Variants in SGCZ observed in about 807,000 individuals in gnomAD.
The protein encoded by SGCZ is zeta-sarcoglycan.
A neutral mutation model predicts 41.3 loss-of-function variants in SGCZ; 40 were observed. The ratio of observed to expected loss-of-function variants is 0.97; its 90% CI spans 0.75 to 1.26. SGCZ has a LOEUF of 1.26. Among genes scored for constraint, SGCZ ranks in the 50% most tolerant of loss-of-function variants. SGCZ has a pLI of 0.00. For synonymous variants in SGCZ, 206 were observed against 137.5 expected (o/e 1.50, Z -3.49); for missense variants, 552 against 369.8 (o/e 1.49, Z -4.04).
At chr8:14,926,846 G>A (rs776638100) in intron 1 of SGCZ, among the ~76,000 whole-genome samples, 1 of 151,902 alleles carries the variant, frequency 6.6e-6, no homozygotes, top group East Asian at 1.9e-4. Flanking sequence ...TCACCATGTT[G>A]TCCAGGAAGG....
intron 1 of SGCZ, among the ~76,000 whole-genome samples, chr8:14,970,486 A>G (rs997342661): frequency 6.6e-6 from 1 of 152,140 alleles, no homozygotes; most frequent in Non-Finnish European, 1.5e-5. Context: ...TACATGCTGA[A>G]TTATTTTTAT....
At chr8:14,895,050 G>C (rs1805143328) in intron 1 of SGCZ, among the ~76,000 whole-genome samples, 8 of 152,128 alleles carry the variant, frequency 5.3e-5, no homozygotes, top group Admixed American at 4.6e-4. Context: ...AGTTGTATTA[G>C]GAATAACATG....
At chr8:14,714,249 G>A (rs1328021767) in intron 1 of SGCZ, among the ~76,000 whole-genome samples, 1 of 152,092 alleles carries the variant, frequency 6.6e-6, no homozygotes, top group Non-Finnish European at 1.5e-5. Flanking sequence ...TTACAGGCAT[G>A]AGCCACCGTG....
intron 2 of SGCZ, among the ~76,000 whole-genome samples, chr8:14,454,337 A>G (rs914119381): frequency 1.3e-5 from 2 of 152,176 alleles, no homozygotes; most frequent in African/African-American, 4.8e-5. Flanking sequence ...AACACGGGAA[A>G]CATGCTACCT....
chr8:14,451,690 A>G (rs1198366156), intron 2 of SGCZ, among the ~76,000 whole-genome samples: 1 of 152,222 alleles, frequency 6.6e-6, no homozygotes, highest in African/African-American at 2.4e-5. Flanking sequence ...AAAGGTCTTA[A>G]TACACATTGC....
chr8:15,072,163 A>G (rs760528390), intron 1 of SGCZ, among the ~76,000 whole-genome samples: 1 of 152,104 alleles, frequency 6.6e-6, no homozygotes, highest in African/African-American at 2.4e-5. Flanking sequence ...CAACCTCTCA[A>G]TGCTGCACAT....
At chr8:14,775,471 G>C (rs999157431) in intron 1 of SGCZ, among the ~76,000 whole-genome samples, 18 of 151,584 alleles carry the variant, frequency 1.2e-4, no homozygotes, top group South Asian at 6.2e-4. Context: ...GTGTGTGTGT[G>C]TGTGTGTGTG....
chr8:14,645,180 G>C (rs1478689944), intron 1 of SGCZ, among the ~76,000 whole-genome samples: 1 of 151,440 alleles, frequency 6.6e-6, no homozygotes, highest in African/African-American at 2.4e-5. Flanking sequence ...ATGAGGAATG[G>C]ATCTCTGAAT....
At chr8:15,201,438 G>A (rs1292143205) in intron 1 of SGCZ, among the ~76,000 whole-genome samples, 1 of 152,214 alleles carries the variant, frequency 6.6e-6, no homozygotes, top group East Asian at 1.9e-4. Flanking sequence ...CAGCAAGGTA[G>A]AGCAAGTGTT....
chr8:14,789,041 T>C (rs1323067859), intron 1 of SGCZ, among the ~76,000 whole-genome samples: 1 of 152,128 alleles, frequency 6.6e-6, no homozygotes, highest in East Asian at 1.9e-4. Context: ...TTTGGACTCG[T>C]TAACATTGGA....
intron 1 of SGCZ, among the ~76,000 whole-genome samples, chr8:15,186,841 T>G (rs911399369): frequency 2.5e-4 from 38 of 152,304 alleles, no homozygotes; most frequent in Middle Eastern, 3.4e-3. Flanking sequence ...GAACGCTTGT[T>G]TTTCAGCTAG....
intron 5 of SGCZ, among the ~76,000 whole-genome samples, chr8:14,123,584 G>T (rs1802764599): frequency 6.6e-6 from 1 of 152,120 alleles, no homozygotes; most frequent in African/African-American, 2.4e-5. Flanking sequence ...TCCATCTTCT[G>T]AATGAGTTAT....
intron 5 of SGCZ, among the ~76,000 whole-genome samples, chr8:14,129,529 A>G (rs1232427859): frequency 6.6e-6 from 1 of 151,884 alleles, no homozygotes; most frequent in Non-Finnish European, 1.5e-5. Context: ...TGAAAACAAA[A>G]ACACAACCTA....
In SGCZ at chr8:14,856,340, T is replaced by G. The variant is rs181587661; in HGVS notation, c.40-301414A>C. Among the ~76,000 whole-genome samples, 626 of 152,328 alleles carry G rather than the reference T, an allele frequency of 4.1e-3. 4 individuals carry two copies. The highest frequency in any genetic ancestry group is 0.018 in the South Asian group (88 of 4,832). The stretch of plus-strand genomic sequence containing the variant: ...GGGAAGGACAGGCCCTTGCTCTTTT[T>G]CATCAACCTCTAAAGGTTAGGGTTT... On this transcript the variant is annotated intron_variant, in intron 1 of 7. Transcript: ENST00000382080.
chr8:14,839,309 G>C (rs1802818326), intron 1 of SGCZ, among the ~76,000 whole-genome samples: 1 of 152,068 alleles, frequency 6.6e-6, no homozygotes, highest in African/African-American at 2.4e-5. Flanking sequence ...GGTAAAGAGA[G>C]GTGCAATTTA....
chr8:15,079,219 T>C (rs1212936622), intron 1 of SGCZ, among the ~76,000 whole-genome samples: 1 of 152,212 alleles, frequency 6.6e-6, no homozygotes, highest in Non-Finnish European at 1.5e-5. Flanking sequence ...CCAGTCTTTA[T>C]TAAATTTATT....
At chr8:14,768,630 C>G (rs780022297) in intron 1 of SGCZ, among the ~76,000 whole-genome samples, 2 of 152,164 alleles carry the variant, frequency 1.3e-5, no homozygotes, top group African/African-American at 4.8e-5. Flanking sequence ...GGATCCAGAA[C>G]TAAGCTGCAC....
At chr8:14,386,297 C>A (rs1359565183) in intron 2 of SGCZ, among the ~76,000 whole-genome samples, 2 of 134,188 alleles carry the variant, frequency 1.5e-5, no homozygotes, top group Admixed American at 7.1e-5. Context: ...TTGACTGCAT[C>A]ATGGTAAAAA....
At chr8:14,501,320 T>C (rs1802146288) in intron 2 of SGCZ, among the ~76,000 whole-genome samples, 1 of 152,002 alleles carries the variant, frequency 6.6e-6, no homozygotes, top group Admixed American at 6.6e-5. Flanking sequence ...CTTCATTCCA[T>C]CTGCAGCATC....
Sources: allele counts gnomAD v4.1 joint callset (sites outside exome capture counted in the v4.1 genomes callset), GRCh38; gene constraint gnomAD v4.1.1; transcripts MANE v1.5; gene names NCBI Gene and HGNC (gene_info 2026-07-23, HGNC 2026-07-21).